Variants in FIBCD1 observed in about 807,000 individuals in gnomAD.
FIBCD1 encodes the protein fibrinogen C domain-containing protein 1.
FIBCD1 carries 47 observed loss-of-function variants against 45.1 expected under a neutral mutation model. The ratio of observed to expected loss-of-function variants is 1.04; its 90% confidence interval spans 0.82 to 1.33. The LOEUF is 1.33. Among genes scored for constraint, FIBCD1 ranks in the 40% most tolerant of loss-of-function variants. The probability of loss-of-function intolerance (pLI) is 0.00; values close to 1 mark genes in which losing one functional copy is unlikely to be tolerated. For synonymous variants in FIBCD1, 313 were observed against 308.1 expected, an observed-to-expected ratio of 1.02 and a Z score of -0.17; for missense variants, 653 against 682.2, an observed-to-expected ratio of 0.96 and a Z score of 0.48.
rs1196903568 is a variant in FIBCD1, at chr9:130,924,413, G to A, written c.553-17C>T. On this transcript the variant is annotated splice_polypyrimidine_tract_variant and intron_variant, in intron 2 of 6. Coordinates refer to ENST00000372338, the MANE Select transcript of FIBCD1 (RefSeq NM_032843.5). The stretch of plus-strand genomic sequence containing the variant: ...AGAGAGAAGCTGCGGAGCACAGGGG[G>A]TGAGCCGAGGGGGCAGGGGCTCTGT... 2.1e-5 allele frequency: 33 copies of A among 1,598,680 alleles called. No homozygotes were observed. The highest frequency in any genetic ancestry group is 2.7e-5 in the Non-Finnish European group (32 of 1,173,930).
intron 5 of FIBCD1, among the ~76,000 whole-genome samples, chr9:130,906,371 C>T (rs940066839): frequency 6.6e-5 from 10 of 152,212 alleles, no homozygotes; most frequent in East Asian, 1.9e-4. Flanking sequence ...TGCCTCTCCC[C>T]GGCTCCGCAC....
Position 130,905,279 on chromosome 9 carries a change from C to T in FIBCD1, c.1081G>A (p.Glu361Lys). The change falls in exon 6 of 7, where the codon GAA becomes AAA. Residue 361 changes from glutamate (E) to lysine (K), a missense_variant. Physicochemically the swap from Glu to Lys is moderately conservative, Grantham distance 56 (BLOSUM62 1). Transcript: ENST00000372338. ...GCCACGGTGAGCGGGTACCCGTCTT[C>T]CTCAGGGTCCACGGAGAACAAGCCC... ...GVGLFSVDPE[E>K]DGYPLTVADY... 1 of 1,613,992 alleles carries T rather than the reference C, an allele frequency of 6.2e-7. No homozygotes were observed. Among genetic ancestry groups the T allele is most frequent in the African/African-American group, 1.3e-5 (1 of 75,050 alleles).
intron 2 of FIBCD1, among the ~76,000 whole-genome samples, chr9:130,927,645 G>GAT (rs1832382003): frequency 6.6e-6 from 1 of 152,210 alleles, no homozygotes. Flanking sequence ...GGGCTGCAGG[G>GAT]GGTTGGGGAT....
rs1468895444 is a variant in FIBCD1, at chr9:130,938,848, C to A, written c.-241G>T. 1.3e-5 allele frequency: 2 copies of A among 155,278 alleles called. No individual in the cohort carries two copies. Among genetic ancestry groups the A allele is most frequent in the Non-Finnish European group, 2.8e-5 (2 of 70,440 alleles). 9.6% of individuals were successfully genotyped at this position (155,278 alleles called of 1,614,324 possible). ...AGCCCAACGCCCGCCGCTCGCGCTGCGCGCCGTCCCCGCTCCCGGCTCCGG... is the reference window on the plus strand; with the variant it reads ...AGCCCAACGCCCGCCGCTCGCGCTGAGCGCCGTCCCCGCTCCCGGCTCCGG... On this transcript the variant is annotated 5_prime_UTR_variant, in exon 1 of 7. Transcript: ENST00000372338.
intron 5 of FIBCD1, among the ~76,000 whole-genome samples, chr9:130,906,343 C>A (rs1028955984): frequency 6.6e-6 from 1 of 152,172 alleles, no homozygotes; most frequent in South Asian, 2.1e-4. Flanking sequence ...GGTATTCCAT[C>A]CGCTTCTCCC....
intron 4 of FIBCD1, among the ~76,000 whole-genome samples, chr9:130,920,482 C>T (rs974947237): frequency 1.3e-5 from 2 of 152,194 alleles, no homozygotes; most frequent in African/African-American, 2.4e-5. Flanking sequence ...GGTAAAGCTA[C>T]ACAGCCAAAG....
intron 1 of FIBCD1, among the ~76,000 whole-genome samples, chr9:130,930,423 C>G (rs1832430826): frequency 6.7e-6 from 1 of 149,746 alleles, no homozygotes. Flanking sequence ...CGCGGGGAGA[C>G]ACGGGGAGAC....
rs1171126241 is a variant in FIBCD1, at chr9:130,922,580, C to T, written c.849+1164G>A. Reference sequence around the variant, plus strand: ...TCCCCGCCTCTCTGACATCTGCTGTCGGGGTCCCATCATAGACCTGTGGAC... The same window carrying T: ...TCCCCGCCTCTCTGACATCTGCTGTTGGGGTCCCATCATAGACCTGTGGAC... On this transcript the variant is annotated intron_variant, in intron 4 of 6. Transcript: ENST00000372338. This position sits in a 1 kb window ranked among gnomAD's most constrained non-coding sequence, Gnocchi z 4.5. Among the ~76,000 whole-genome samples the T allele has an allele frequency of 1.3e-5, 2 of 152,072 alleles. No individual in the cohort carries two copies. The highest frequency in any genetic ancestry group is 4.8e-5 in the African/African-American group (2 of 41,386).
At chr9:130,917,818 G>T (rs1832193214) in intron 4 of FIBCD1, among the ~76,000 whole-genome samples, 1 of 152,204 alleles carries the variant, frequency 6.6e-6, no homozygotes, top group Non-Finnish European at 1.5e-5. Flanking sequence ...GCTTGGAGGA[G>T]TGGGCAACCC....
At chr9:130,916,439 G>A (rs1311448312) in intron 4 of FIBCD1, among the ~76,000 whole-genome samples, 3 of 152,180 alleles carry the variant, frequency 2.0e-5, no homozygotes, top group African/African-American at 7.2e-5. Context: ...TAGGATCTCG[G>A]GCTTGGAAAC....
chr9:130,905,537 G>A (rs1342355133), intron 5 of FIBCD1, 124 bp from the exon 6 acceptor site: 37 of 998,696 alleles, frequency 3.7e-5, no homozygotes, highest in Middle Eastern at 2.4e-4. Flanking sequence ...CACCAAGTGC[G>A]TGCAATCAGC....
chr9:130,927,012 T>C (rs777818902), intron 2 of FIBCD1, among the ~76,000 whole-genome samples: 2 of 151,604 alleles, frequency 1.3e-5, no homozygotes, highest in Non-Finnish European at 2.9e-5. Flanking sequence ...CCGAGGTGGG[T>C]GGATTGCTTG....
At chr9:130,912,505 G>A (rs534573187) in intron 4 of FIBCD1, among the ~76,000 whole-genome samples, 8 of 151,774 alleles carry the variant, frequency 5.3e-5, no homozygotes, top group African/African-American at 1.5e-4. Context: ...TCAGGAGTTC[G>A]AGACCAGCCT....
intron 4 of FIBCD1, among the ~76,000 whole-genome samples, chr9:130,915,846 T>C (rs1042462688): frequency 3.9e-5 from 6 of 152,214 alleles, no homozygotes; most frequent in Admixed American, 2.6e-4. Flanking sequence ...AGACTGACCA[T>C]GTCCCAGAGA....
chr9:130,906,999 C>T (rs749862311), intron 5 of FIBCD1, among the ~76,000 whole-genome samples: 16 of 152,122 alleles, frequency 1.1e-4, no homozygotes, highest in African/African-American at 3.6e-4. Flanking sequence ...CCAGGTCACG[C>T]GGCTGCTGAG....
At chr9:130,917,508 C>T (rs1045107945) in intron 4 of FIBCD1, among the ~76,000 whole-genome samples, 1 of 152,204 alleles carries the variant, frequency 6.6e-6, no homozygotes, top group Non-Finnish European at 1.5e-5. Flanking sequence ...CAGCCACCGA[C>T]GGCCCTGTGT....
rs1270231374 is a variant in FIBCD1, at chr9:130,926,737, G to A, written c.553-2341C>T. ...CTCAGGAGGCTGAGGCAGGAGAATC[G>A]CTTGAACCTGGGAGGCGGAGGTTGC... On this transcript the variant is annotated intron_variant, in intron 2 of 6. Transcript: ENST00000372338. This position sits in a 1 kb window ranked among gnomAD's most constrained non-coding sequence, Gnocchi z 4.1. Among the ~76,000 whole-genome samples, 1 of 151,996 alleles carries A rather than the reference G, an allele frequency of 6.6e-6. No individual in the cohort carries two copies. The highest frequency in any genetic ancestry group is 1.5e-5 in the Non-Finnish European group (1 of 68,002).
intron 2 of FIBCD1, among the ~76,000 whole-genome samples, chr9:130,925,707 G>A (rs1475793540): frequency 6.6e-6 from 1 of 152,156 alleles, no homozygotes; most frequent in East Asian, 1.9e-4. Flanking sequence ...AGTGCCTGAA[G>A]GGTCTGAGGT....
chr9:130,917,664 C>G (rs1411079399), intron 4 of FIBCD1, among the ~76,000 whole-genome samples: 2 of 152,234 alleles, frequency 1.3e-5, no homozygotes, highest in Non-Finnish European at 2.9e-5. Context: ...GTGCCCAGAA[C>G]ATGCAGCTAG....
Sources: gnomAD v4.1 joint callset for allele counts (sites outside exome capture counted in the v4.1 genomes callset) on GRCh38, gnomAD v4.1.1 for gene constraint, Gnocchi (gnomAD v3.1) non-coding constraint, MANE v1.5 for transcripts, NCBI Gene and HGNC (gene_info 2026-07-23, HGNC 2026-07-21) for gene names.